Variants in IL6R observed in about 807,000 individuals in gnomAD.
The protein encoded by IL6R is interleukin 6 receptor.
IL6R carries 38 observed loss-of-function variants against 48.3 expected under a neutral mutation model. That is an observed-to-expected ratio of 0.79 (90% CI 0.61 to 1.03). The LOEUF is 1.03. Among genes scored for constraint, IL6R ranks in the 50% least tolerant of loss-of-function variants. IL6R has a pLI of 0.00. For synonymous variants in IL6R, 264 were observed against 256.2 expected, an observed-to-expected ratio of 1.03 and a Z score of -0.29; for missense variants, 534 against 618.3, an observed-to-expected ratio of 0.86 and a Z score of 1.45.
chr1:154,460,965 C>G (rs188539023), intron 9 of IL6R, among the ~76,000 whole-genome samples: 1 of 152,058 alleles, frequency 6.6e-6, no homozygotes, highest in Non-Finnish European at 1.5e-5. Flanking sequence ...CGTCTGGGCT[C>G]GCTGATATTT....
chr1:154,448,244 C>T (rs373362040), intron 7 of IL6R, 73 bp downstream of exon 7: 92 of 1,253,930 alleles, frequency 7.3e-5, no homozygotes, highest in Non-Finnish European at 9.5e-5. Flanking sequence ...GATGCCAGAC[C>T]GAATTTGGTT....
intron 1 of IL6R, among the ~76,000 whole-genome samples, chr1:154,427,121 T>C (rs1391741376): frequency 2.0e-5 from 3 of 152,126 alleles, no homozygotes; most frequent in Admixed American, 6.5e-5. Flanking sequence ...GGTTTCACCA[T>C]GTTGGCCAGG....
intron 9 of IL6R, among the ~76,000 whole-genome samples, chr1:154,463,704 G>A (rs1691385984): frequency 6.6e-6 from 1 of 152,220 alleles, no homozygotes; most frequent in Non-Finnish European, 1.5e-5. Flanking sequence ...CCTTTAGGAA[G>A]GGGACGTGAC....
intron 1 of IL6R, among the ~76,000 whole-genome samples, chr1:154,420,569 A>C (rs1289161354): frequency 6.7e-6 from 1 of 150,352 alleles, no homozygotes; most frequent in Admixed American, 6.7e-5. Flanking sequence ...CCCAGGCTGG[A>C]GTGCAGTGGT....
In IL6R at chr1:154,435,105, G is replaced by C. The variant is rs1258443270; in HGVS notation, c.756G>C (p.Arg252=). ...GGAACTCATCTTTCTACAGACTACG[G>C]TTTGAGCTCAGATATCGGGCTGAAC... is the stretch of plus-strand genomic sequence containing the variant. ...HSWNSSFYRL[R]FELRYRAERS... is the part of the protein sequence containing the mutation. The change falls in exon 5 of 10, where the codon CGG becomes CGC. Residue 252 remains arginine (R), a synonymous_variant. Transcript: ENST00000368485. The C allele has an allele frequency of 6.2e-7, 1 of 1,614,198 alleles. No homozygotes were observed. The highest frequency in any genetic ancestry group is 8.5e-7 in the Non-Finnish European group (1 of 1,180,042).
intron 1 of IL6R, among the ~76,000 whole-genome samples, chr1:154,427,130 G>C (rs1392031654): frequency 2.0e-5 from 3 of 152,148 alleles, no homozygotes; most frequent in Admixed American, 1.3e-4. Flanking sequence ...ATGTTGGCCA[G>C]GATGGTCTCG....
chr1:154,437,253 C>T (rs918552613), intron 6 of IL6R, among the ~76,000 whole-genome samples: 1 of 152,098 alleles, frequency 6.6e-6, no homozygotes, highest in Admixed American at 6.6e-5. Context: ...CCTGCCACCA[C>T]GCCCAGCTAA....
At chr1:154,432,564 G>T (rs547377696) in intron 3 of IL6R, among the ~76,000 whole-genome samples, 1 of 152,192 alleles carries the variant, frequency 6.6e-6, no homozygotes, top group South Asian at 2.1e-4. Context: ...CACCATGTTA[G>T]CGGGGCTGGT....
In IL6R at chr1:154,448,215, G is replaced by A. The variant is rs143953866; in HGVS notation, c.996+44G>A. The A allele has an allele frequency of 1.7e-4, 261 of 1,514,618 alleles. No homozygotes were observed. The African/African-American group carries it at 2.3e-3, about 13-fold the overall frequency. 93.8% of individuals were successfully genotyped at this position (1,514,618 alleles called of 1,614,324 possible). A position where few individuals can be genotyped will look rare whatever the true frequency, so the allele number is the denominator to read the frequency against. On this transcript the variant is annotated intron_variant, in intron 7 of 9. Transcript: ENST00000368485. ...AAAAGGGTCAGGGCTGCAGCACCTC[G>A]TGTTTAGGAGTGTGGGCTGATGCCA... is the stretch of plus-strand genomic sequence containing the variant.
chr1:154,461,470 C>T (rs933725630), intron 9 of IL6R, among the ~76,000 whole-genome samples: 7 of 152,172 alleles, frequency 4.6e-5, no homozygotes, highest in African/African-American at 9.7e-5. Flanking sequence ...GCCCTTATGC[C>T]GGCATGACAG....
intron 1 of IL6R, among the ~76,000 whole-genome samples, chr1:154,412,570 T>C (rs541324260): frequency 6.6e-6 from 1 of 152,236 alleles, no homozygotes; most frequent in African/African-American, 2.4e-5. Context: ...TAAAAGCCTA[T>C]TTTGATGGGA....
At position 154,405,692 on chromosome 1, in the gene IL6R, C is replaced by T; in HGVS notation, c.63C>T (p.Ala21=). 1 of 1,524,112 alleles carries T rather than the reference C, an allele frequency of 6.6e-7. No homozygotes were observed. Among genetic ancestry groups the T allele is most frequent in the South Asian group, 1.2e-5 (1 of 83,260 alleles). 94.4% of individuals were successfully genotyped at this position (1,524,112 alleles called of 1,614,324 possible). The change falls in exon 1 of 10, where the codon GCC becomes GCT. Residue 21 remains alanine (A), a synonymous_variant. Coordinates refer to ENST00000368485, the MANE Select transcript of IL6R (RefSeq NM_000565.4). The surrounding 1 kb of genome is among the most constrained non-coding windows in gnomAD (Gnocchi z 5.2). Reference sequence around the variant, plus strand: ...TGGCCGCGCCGGGAGCGGCGCTGGCCCCAAGGCGCTGCCCTGCGCAGGGTA... The same window carrying T: ...TGGCCGCGCCGGGAGCGGCGCTGGCTCCAAGGCGCTGCCCTGCGCAGGGTA... ...ALLAAPGAAL[A]PRRCPAQEVA... is the part of the protein sequence containing the mutation.
intron 1 of IL6R, among the ~76,000 whole-genome samples, chr1:154,412,864 A>T (rs1688108251): frequency 6.6e-6 from 1 of 152,104 alleles, no homozygotes; most frequent in Non-Finnish European, 1.5e-5. Flanking sequence ...ATAGGGTTGG[A>T]ACTTGGGTAT....
chr1:154,464,015 T>C (rs1333929343), intron 9 of IL6R, among the ~76,000 whole-genome samples: 1 of 152,188 alleles, frequency 6.6e-6, no homozygotes, highest in African/African-American at 2.4e-5. Context: ...AGGAAGGCAG[T>C]TGAGGGAGCA....
chr1:154,439,326 A>AT (rs1434797682), intron 6 of IL6R, among the ~76,000 whole-genome samples: 3 of 152,076 alleles, frequency 2.0e-5, no homozygotes, highest in Admixed American at 6.6e-5. Flanking sequence ...TATTATTATT[A>AT]TTTTTTGAGA....
chr1:154,432,748 C>G (rs77676154), intron 3 of IL6R, among the ~76,000 whole-genome samples: 2,985 of 152,264 alleles, frequency 0.02, 99 homozygotes, highest in African/African-American at 0.067. Context: ...CTTCCATCTG[C>G]TTTGAAGAGT....
intron 9 of IL6R, among the ~76,000 whole-genome samples, 182 bp from the exon 10 acceptor site, chr1:154,464,952 C>A (rs1469832887): frequency 6.6e-6 from 1 of 152,110 alleles, no homozygotes; most frequent in African/African-American, 2.4e-5. Context: ...AGAGCAAGAT[C>A]CTGTCTCAAA....
chr1:154,450,576 C>T (rs1245957946), intron 8 of IL6R, among the ~76,000 whole-genome samples: 3 of 152,184 alleles, frequency 2.0e-5, no homozygotes, highest in African/African-American at 7.2e-5. Flanking sequence ...GAATGTGCTG[C>T]AAACAAGATT....
At chr1:154,441,997 T>C (rs1689963043) in intron 6 of IL6R, among the ~76,000 whole-genome samples, 1 of 152,188 alleles carries the variant, frequency 6.6e-6, no homozygotes, top group African/African-American at 2.4e-5. Flanking sequence ...ACTGCATTTG[T>C]AAGGGGATCA....
Sources: gnomAD v4.1 joint callset for allele counts (sites outside exome capture counted in the v4.1 genomes callset) on GRCh38, gnomAD v4.1.1 for gene constraint, Gnocchi (gnomAD v3.1) non-coding constraint, MANE v1.5 for transcripts, NCBI Gene and HGNC (gene_info 2026-07-23, HGNC 2026-07-21) for gene names.